METTL24: variants seen among roughly 807,000 people sequenced by gnomAD.
METTL24 encodes the protein methyltransferase like 24, also known as probable methyltransferase-like protein 24.
Under a neutral mutation model 32.7 loss-of-function variants are expected in METTL24, and 29 were observed. The observed-to-expected ratio is 0.89, with a 90% CI of 0.66 to 1.21. The LOEUF (loss-of-function observed/expected upper bound fraction) is 1.21. METTL24 is among the 50% of genes most tolerant of loss of function. The pLI is 0.00. For missense variants in METTL24, 439 were observed against 468.1 expected (o/e 0.94, Z 0.57); for synonymous variants, 163 against 179.5 (o/e 0.91, Z 0.73).
intron 1 of METTL24, among the ~76,000 whole-genome samples, chr6:110,346,784 C>T (rs181944488): frequency 9.2e-5 from 14 of 152,206 alleles, no homozygotes; most frequent in East Asian, 7.7e-4. Flanking sequence ...GGATTACAGG[C>T]GTGAGTCAGC....
chr6:110,320,932 G>A (rs1771919944), intron 2 of METTL24, among the ~76,000 whole-genome samples: 1 of 151,982 alleles, frequency 6.6e-6, no homozygotes, highest in Non-Finnish European at 1.5e-5. Context: ...AGACTACGGA[G>A]GATGCTTTAA....
At chr6:110,285,527 C>G (rs923940285) in intron 4 of METTL24, among the ~76,000 whole-genome samples, 1 of 152,212 alleles carries the variant, frequency 6.6e-6, no homozygotes, top group Non-Finnish European at 1.5e-5. Flanking sequence ...AAATGGCCAG[C>G]ATGGGTGTGA....
At chr6:110,301,077 C>G (rs1391922807) in intron 3 of METTL24, among the ~76,000 whole-genome samples, 2 of 152,238 alleles carry the variant, frequency 1.3e-5, no homozygotes, top group East Asian at 3.9e-4. Flanking sequence ...TTGCCTCTTC[C>G]TCACCCTTCA....
intron 1 of METTL24, among the ~76,000 whole-genome samples, chr6:110,330,608 C>G (rs1451887923): frequency 6.6e-6 from 1 of 152,118 alleles, no homozygotes. Context: ...ATAGATGGAC[C>G]TCTGGAGCTA....
chr6:110,283,253 T>A (rs1404770658), intron 4 of METTL24, among the ~76,000 whole-genome samples: 1 of 152,178 alleles, frequency 6.6e-6, no homozygotes, highest in Non-Finnish European at 1.5e-5. Context: ...CACTACACTT[T>A]CATCTTACAT....
chr6:110,351,463 C>T (rs949575453), intron 1 of METTL24, among the ~76,000 whole-genome samples: 4 of 152,128 alleles, frequency 2.6e-5, no homozygotes, highest in Non-Finnish European at 4.4e-5. Context: ...TATATTCACA[C>T]ACACACACAT....
At chr6:110,318,689 A>G (rs928592226) in intron 2 of METTL24, among the ~76,000 whole-genome samples, 2 of 151,884 alleles carry the variant, frequency 1.3e-5, no homozygotes, top group East Asian at 3.8e-4. Context: ...AAAGAAAAGA[A>G]AAGAAATAAA....
intron 1 of METTL24, among the ~76,000 whole-genome samples, chr6:110,329,340 G>A (rs1582429419): frequency 6.6e-6 from 1 of 152,224 alleles, no homozygotes; most frequent in East Asian, 1.9e-4. Flanking sequence ...GTGTGTTGAT[G>A]TGTTGACGAT....
At chr6:110,296,387 A>T (rs749587920) in intron 4 of METTL24, among the ~76,000 whole-genome samples, 5 of 152,226 alleles carry the variant, frequency 3.3e-5, no homozygotes, top group Non-Finnish European at 7.3e-5. Flanking sequence ...ATCATTTCAC[A>T]TAATGCTGGA....
chr6:110,290,969 C>T (rs1771308206), intron 4 of METTL24, among the ~76,000 whole-genome samples: 2 of 152,112 alleles, frequency 1.3e-5, no homozygotes, highest in Admixed American at 1.3e-4. Context: ...TCATATTCAG[C>T]ATCTTTTCAT....
chr6:110,334,581 G>C (rs545367487), intron 1 of METTL24, among the ~76,000 whole-genome samples: 23 of 152,194 alleles, frequency 1.5e-4, no homozygotes, highest in Non-Finnish European at 2.9e-4. Context: ...TCTGCCACGA[G>C]TAGACAGGCC....
chr6:110,307,542 G>T (rs979943613), intron 3 of METTL24, among the ~76,000 whole-genome samples: 1 of 152,154 alleles, frequency 6.6e-6, no homozygotes, highest in African/African-American at 2.4e-5. Context: ...ACGAGGAAAG[G>T]TAAAAGGGGA....
chr6:110,254,123 T>A, intron 4 of METTL24: 1 of 471,708 alleles, frequency 2.1e-6, no homozygotes, highest in Non-Finnish European at 3.5e-6. Flanking sequence ...TGATTTAATT[T>A]ATTTAATCAG....
chr6:110,297,904 G>A (rs1385875196), intron 4 of METTL24, among the ~76,000 whole-genome samples: 1 of 152,092 alleles, frequency 6.6e-6, no homozygotes, highest in African/African-American at 2.4e-5. Context: ...AAGAAGCATG[G>A]GCTATCTAAA....
At chr6:110,260,848 T>C (rs908186807) in intron 4 of METTL24, among the ~76,000 whole-genome samples, 5 of 152,292 alleles carry the variant, frequency 3.3e-5, no homozygotes, top group Admixed American at 6.5e-5. Flanking sequence ...AACCCAGAAT[T>C]TCATATCCAG....
chr6:110,309,648 G>A (rs1483660721), intron 3 of METTL24, among the ~76,000 whole-genome samples: 1 of 152,134 alleles, frequency 6.6e-6, no homozygotes, highest in Non-Finnish European at 1.5e-5. Context: ...AGGTTGTGCA[G>A]GGAAACTCTT....
intron 4 of METTL24, among the ~76,000 whole-genome samples, chr6:110,297,446 C>A (rs1771440433): frequency 6.6e-6 from 1 of 152,108 alleles, no homozygotes; most frequent in South Asian, 2.1e-4. Context: ...TTCTCTTTTT[C>A]TCCTACTCAG....
At chr6:110,342,348 GGCCAA>G (rs1212384103) in intron 1 of METTL24, among the ~76,000 whole-genome samples, 1 of 152,186 alleles carries the variant, frequency 6.6e-6, no homozygotes, top group Non-Finnish European at 1.5e-5. Flanking sequence ...ATTCCTGAGA[GGCCAA>G]GCCAAGTGCT....
chr6:110,300,008 C>T (rs899635560), intron 3 of METTL24, among the ~76,000 whole-genome samples: 2 of 152,138 alleles, frequency 1.3e-5, no homozygotes, highest in Non-Finnish European at 2.9e-5. Flanking sequence ...AGCTACACTA[C>T]TTGGCCGAAC....
Sources: gnomAD v4.1 joint callset for allele counts (sites outside exome capture counted in the v4.1 genomes callset) on GRCh38, gnomAD v4.1.1 for gene constraint, MANE v1.5 for transcripts, NCBI Gene and HGNC (gene_info 2026-07-23, HGNC 2026-07-21) for gene names.